Variants in PAFAH1B3 observed in about 807,000 individuals in gnomAD.
PAFAH1B3 encodes platelet activating factor acetylhydrolase 1b catalytic subunit 3, also known as platelet-activating factor acetylhydrolase IB subunit alpha1.
In PAFAH1B3, 15 loss-of-function variants were observed where a neutral mutation model predicts 24.4. The observed-to-expected ratio is 0.62, with a 90% CI of 0.41 to 0.95. The LOEUF (loss-of-function observed/expected upper bound fraction) is 0.95, where lower values mean the gene tolerates loss of function less well. PAFAH1B3 is among the 40% of genes least tolerant of loss of function. The pLI is 0.00. For synonymous variants in PAFAH1B3, 144 were observed against 126.5 expected (o/e 1.14, Z -0.93); for missense variants, 266 against 312.2 (o/e 0.85, Z 1.12).
At chr19:42,301,897 T>C in intron 2 of PAFAH1B3, 53 bp downstream of exon 2, 1 of 1,427,244 alleles carries the variant, frequency 7.0e-7, no homozygotes, top group South Asian at 1.2e-5. Flanking sequence ...GGTCCAGATG[T>C]GTCAGCATGG....
chr19:42,302,063 T>G (rs2038638138), intron 1 of PAFAH1B3, 24 bp from the exon 2 acceptor site: 2 of 1,554,220 alleles, frequency 1.3e-6, no homozygotes, highest in South Asian at 1.2e-5. Flanking sequence ...CGAGAGGGAG[T>G]CAATGGCATG....
In PAFAH1B3 at chr19:42,302,386, G is replaced by A. The variant is rs930888245; in HGVS notation, c.-77C>T. On this transcript the variant is annotated 5_prime_UTR_variant, in exon 1 of 5. Transcript: ENST00000262890. ...TTCCGAACGGAGCTGGCTCCGCCAC[G>A]CCCACTCCTACCCCTCGCGGCAACA... 7 of 1,319,844 alleles carry A rather than the reference G, an allele frequency of 5.3e-6. No homozygotes were observed. In the Admixed American group the frequency reaches 6.2e-5, roughly 12 times the overall value. The allele number at this position is 1,319,844 out of a possible 1,614,324, so 81.8% of individuals were successfully genotyped here. A position where few individuals can be genotyped will look rare whatever the true frequency, so the allele number is the denominator to read the frequency against.
In PAFAH1B3 at chr19:42,297,067, C is replaced by A. The variant is rs746770819; in HGVS notation, c.*11G>T. Reference sequence around the variant, plus strand: ...AGGAGAGTTTAATGTTGTGGGAAGGCAGCAGGATGCTTAGGGTGCGGGCTC... The same window carrying A: ...AGGAGAGTTTAATGTTGTGGGAAGGAAGCAGGATGCTTAGGGTGCGGGCTC... On this transcript the variant is annotated 3_prime_UTR_variant, in exon 5 of 5. Coordinates refer to ENST00000262890, the MANE Select transcript of PAFAH1B3 (RefSeq NM_002573.4). 6.3e-7 allele frequency: 1 copy of A among 1,593,034 alleles called. No homozygotes were observed. Among genetic ancestry groups the A allele is most frequent in the Non-Finnish European group, 8.6e-7 (1 of 1,163,590 alleles).
intron 4 of PAFAH1B3, among the ~76,000 whole-genome samples, chr19:42,297,997 C>G (rs2038563736): frequency 6.6e-6 from 1 of 151,864 alleles, no homozygotes; most frequent in Admixed American, 6.6e-5. Flanking sequence ...GAGTTCGAGA[C>G]CAACCTGGGC....
chr19:42,297,426 C>T (rs1374225553), intron 4 of PAFAH1B3, 61 bp from the exon 5 acceptor site: 1 of 1,253,004 alleles, frequency 8.0e-7, no homozygotes, highest in Non-Finnish European at 1.1e-6. Flanking sequence ...TTCTCTGTGC[C>T]AACCTGTCCT....
At chr19:42,302,659 G>A (rs1450544148), upstream of PAFAH1B3, 2 of 311,026 alleles carry the variant, frequency 6.4e-6, no homozygotes, top group Non-Finnish European at 1.2e-5. Context: ...GCGGGGAGGA[G>A]GGAGAAACCA....
chr19:42,301,923 G>T, intron 2 of PAFAH1B3, 27 bp downstream of exon 2: 1 of 1,530,494 alleles, frequency 6.5e-7, no homozygotes, highest in South Asian at 1.2e-5. Flanking sequence ...GGGCTGGATG[G>T]GGCAGGGGGA....
chr19:42,297,993 G>A (rs1248295810), intron 4 of PAFAH1B3, among the ~76,000 whole-genome samples: 2 of 152,064 alleles, frequency 1.3e-5, no homozygotes, highest in East Asian at 3.9e-4. Flanking sequence ...CCAGGAGTTC[G>A]AGACCAACCT....
chr19:42,302,110 C>G, intron 1 of PAFAH1B3, 71 bp from the exon 2 acceptor site: 3 of 1,505,576 alleles, frequency 2.0e-6, no homozygotes, highest in Admixed American at 2.0e-5. Context: ...CTCCCTTAGG[C>G]AGCGCCTCCT....
rs375071830 is a variant in PAFAH1B3 at position 42,300,164 on chromosome 19, C to G, written c.285+7G>C. 1.9e-6 allele frequency: 3 copies of G among 1,614,152 alleles called. No homozygotes were observed. Among genetic ancestry groups the G allele is most frequent in the Admixed American group, 1.7e-5 (1 of 60,028 alleles). On this transcript the variant is annotated splice_region_variant and intron_variant, in intron 3 of 4. Transcript: ENST00000262890. ...ATGTTTTAGAGCCCCACCCAAGCCCCGCTCACCTTGGGCCGGATGTGTTCC... is the reference window on the plus strand; with the variant it reads ...ATGTTTTAGAGCCCCACCCAAGCCCGGCTCACCTTGGGCCGGATGTGTTCC...
In PAFAH1B3 at chr19:42,302,317, C is replaced by G; in HGVS notation, c.-8G>C. ...GTTCTCCTCTCCACTCATCTTGGCG[C>G]CGCAGCTCCTGCAGGATGAGCGAGT... On this transcript the variant is annotated 5_prime_UTR_variant, in exon 1 of 5. Coordinates refer to ENST00000262890, the MANE Select transcript of PAFAH1B3 (RefSeq NM_002573.4). The G allele has an allele frequency of 5.0e-6, 8 of 1,598,726 alleles. No homozygotes were observed. Among genetic ancestry groups the G allele is most frequent in the Non-Finnish European group, 6.8e-6 (8 of 1,174,296 alleles).
In PAFAH1B3 at chr19:42,302,583, G is replaced by C. The variant is rs2038654938; in HGVS notation, c.-274C>G. On this transcript the variant is annotated 5_prime_UTR_variant, in exon 1 of 5. Transcript: ENST00000262890. ...CCCGGCGCTTCCCGCTCGGGCCGCT[G>C]ACTCCCAGGCCGCGCACCCGGCACG... The C allele has an allele frequency of 6.9e-6, 3 of 437,944 alleles. No individual in the cohort carries two copies. The South Asian group carries it at 9.0e-5, about 13-fold the overall frequency. 27.1% of individuals were successfully genotyped at this position (437,944 alleles called of 1,614,324 possible).
Position 42,302,602 on chromosome 19 carries a change from C to G in PAFAH1B3, c.-293G>C, listed in dbSNP as rs537937924. 3.2e-3 allele frequency: 1,253 copies of G among 386,864 alleles called. 6 individuals are homozygous for G. The highest frequency in any genetic ancestry group is 3.6e-3 in the Non-Finnish European group (771 of 211,446). The allele number at this position is 386,864 out of a possible 1,614,324, so 24.0% of individuals were successfully genotyped here. A position where few individuals can be genotyped will look rare whatever the true frequency, so the allele number is the denominator to read the frequency against. The stretch of plus-strand genomic sequence containing the variant: ...GCCGCTGACTCCCAGGCCGCGCACC[C>G]GGCACGGGGTGGGGGGAGGGAGAGG... On this transcript the variant is annotated 5_prime_UTR_variant, in exon 1 of 5. Transcript: ENST00000262890.
chr19:42,302,319 G>A lies in PAFAH1B3; in HGVS notation c.-10C>T, dbSNP rs763157121. The A allele has an allele frequency of 1.3e-6, 2 of 1,593,728 alleles. No homozygotes were observed. Among genetic ancestry groups the A allele is most frequent in the Admixed American group, 1.7e-5 (1 of 57,958 alleles). ...TCTCCTCTCCACTCATCTTGGCGCCGCAGCTCCTGCAGGATGAGCGAGTCG... is the reference window on the plus strand; with the variant it reads ...TCTCCTCTCCACTCATCTTGGCGCCACAGCTCCTGCAGGATGAGCGAGTCG... On this transcript the variant is annotated 5_prime_UTR_variant, in exon 1 of 5. Coordinates refer to ENST00000262890, the MANE Select transcript of PAFAH1B3 (RefSeq NM_002573.4).
chr19:42,297,440 C>A (rs2038547129), intron 4 of PAFAH1B3, 75 bp from the exon 5 acceptor site: 5 of 1,393,610 alleles, frequency 3.6e-6, no homozygotes, highest in Non-Finnish European at 5.0e-6. Flanking sequence ...CTGTCCTCCA[C>A]CCACCACCAT....
In PAFAH1B3 at chr19:42,300,449, G is replaced by A. The variant is rs189527507; in HGVS notation, c.169-162C>T. On this transcript the variant is annotated intron_variant, in intron 2 of 4. Transcript: ENST00000262890. ...TTTACCTGGAGCAAACTCCAGCATG[G>A]CTGAACCTCACTTTATAGAAATCTA... Among the ~76,000 whole-genome samples the A allele has an allele frequency of 9.9e-5, 15 of 152,284 alleles. No homozygotes were observed. In the East Asian group the frequency reaches 2.1e-3, roughly 22 times the overall value.
chr19:42,299,202 C>T (rs1254375955), intron 4 of PAFAH1B3, among the ~76,000 whole-genome samples: 2 of 151,808 alleles, frequency 1.3e-5, no homozygotes, highest in East Asian at 3.9e-4. Context: ...CCCCAACCTC[C>T]ACCTCCTGGG....
chr19:42,299,722 C>CTATTTATTTTT (rs1316312781), intron 4 of PAFAH1B3, among the ~76,000 whole-genome samples: 1 of 152,210 alleles, frequency 6.6e-6, no homozygotes, highest in Non-Finnish European at 1.5e-5. Context: ...GCCACCGTGC[C>CTATTTATTTTT]TGGCCCGTTT....
intron 2 of PAFAH1B3, 109 bp from the exon 3 acceptor site, chr19:42,300,396 C>A: frequency 1.1e-6 from 1 of 921,662 alleles, no homozygotes; most frequent in Non-Finnish European, 1.7e-6. Flanking sequence ...TATGGAAGAA[C>A]CTTACTTCAT....
Sources: allele counts gnomAD v4.1 joint callset (sites outside exome capture counted in the v4.1 genomes callset), GRCh38; gene constraint gnomAD v4.1.1; transcripts MANE v1.5; gene names NCBI Gene and HGNC (gene_info 2026-07-23, HGNC 2026-07-21).